Variants in NTNG1 observed in about 807,000 individuals in gnomAD.
NTNG1 encodes the protein netrin-G1.
Under a neutral mutation model 54.0 loss-of-function variants are expected in NTNG1, and 16 were observed. The ratio of observed to expected loss-of-function variants is 0.30; its 90% CI spans 0.20 to 0.45. The LOEUF is 0.45. NTNG1 is among the 20% of genes least tolerant of loss of function. The pLI, the probability that NTNG1 is intolerant of heterozygous loss-of-function variation, is 1.00. For synonymous variants in NTNG1, 255 were observed against 263.1 expected, an observed-to-expected ratio of 0.97 and a Z score of 0.30; for missense variants, 530 against 678.7, an observed-to-expected ratio of 0.78 and a Z score of 2.43.
intron 2 of NTNG1, among the ~76,000 whole-genome samples, chr1:107,196,335 A>G (rs548378465): frequency 6.6e-6 from 1 of 152,156 alleles, no homozygotes; most frequent in African/African-American, 2.4e-5. Context: ...CCATGTATGA[A>G]ATGGGTTATA....
intron 5 of NTNG1, chr1:107,421,253 G>A (rs978252859): frequency 1.4e-6 from 1 of 737,652 alleles, no homozygotes; most frequent in Non-Finnish European, 2.3e-6. Context: ...TTATTGGTGA[G>A]GCATGTTGAC....
chr1:107,408,819 T>A (rs1490805428), intron 5 of NTNG1: 1 of 151,990 alleles, frequency 6.6e-6, no homozygotes, highest in Non-Finnish European at 1.5e-5. Flanking sequence ...GCAGTGTAAA[T>A]AGCCATTGAA....
At chr1:107,319,808 G>A (rs1039839461) in intron 2 of NTNG1, among the ~76,000 whole-genome samples, 9 of 151,498 alleles carry the variant, frequency 5.9e-5, no homozygotes, top group Admixed American at 2.0e-4. Flanking sequence ...AGCTTGGAAA[G>A]GCAAAGTCAA....
chr1:107,254,594 C>G (rs1279259468), intron 2 of NTNG1, among the ~76,000 whole-genome samples: 1 of 152,196 alleles, frequency 6.6e-6, no homozygotes, highest in Admixed American at 6.5e-5. Flanking sequence ...TAAGAGCATG[C>G]ATTATCTACT....
intron 2 of NTNG1, among the ~76,000 whole-genome samples, chr1:107,227,259 A>G (rs760751781): frequency 6.6e-6 from 1 of 152,106 alleles, no homozygotes; most frequent in Non-Finnish European, 1.5e-5. Context: ...AATGTTGGCC[A>G]CTGTTAATAT....
At chr1:107,379,885 G>A (rs1671539349) in intron 3 of NTNG1, among the ~76,000 whole-genome samples, 1 of 152,200 alleles carries the variant, frequency 6.6e-6, no homozygotes, top group Admixed American at 6.5e-5. Context: ...GGATACAAGA[G>A]AAGGAAAGAA....
At chr1:107,466,696 T>G (rs1419831191) in intron 7 of NTNG1, among the ~76,000 whole-genome samples, 1 of 152,178 alleles carries the variant, frequency 6.6e-6, no homozygotes, top group Non-Finnish European at 1.5e-5. Flanking sequence ...TCCCTGTGTT[T>G]TAAATACCAT....
chr1:107,188,312 G>T (rs1168598877), intron 2 of NTNG1, among the ~76,000 whole-genome samples: 2 of 152,118 alleles, frequency 1.3e-5, no homozygotes, highest in African/African-American at 4.8e-5. Flanking sequence ...GGTGATGCTT[G>T]GATGTCTTGT....
intron 2 of NTNG1, among the ~76,000 whole-genome samples, chr1:107,297,065 C>G (rs1053959314): frequency 2.0e-5 from 3 of 147,170 alleles, no homozygotes; most frequent in Non-Finnish European, 4.5e-5. Flanking sequence ...GGTAAGTACT[C>G]TGGTTATCTT....
chr1:107,464,996 G>A (rs1677511721), intron 7 of NTNG1, among the ~76,000 whole-genome samples: 2 of 151,998 alleles, frequency 1.3e-5, no homozygotes, highest in African/African-American at 4.8e-5. Flanking sequence ...CTCCTTCTCT[G>A]TCCTCTTTAT....
chr1:107,254,488 C>CT (rs1276775192), intron 2 of NTNG1, among the ~76,000 whole-genome samples: 1 of 152,216 alleles, frequency 6.6e-6, no homozygotes, highest in Non-Finnish European at 1.5e-5. Context: ...GGCAATGGGG[C>CT]TCAAGAGCTC....
At chr1:107,195,471 C>T (rs1426106162) in intron 2 of NTNG1, among the ~76,000 whole-genome samples, 2 of 152,054 alleles carry the variant, frequency 1.3e-5, no homozygotes, top group African/African-American at 4.8e-5. Flanking sequence ...GTCAGTTACA[C>T]CATTCCTTTG....
intron 3 of NTNG1, among the ~76,000 whole-genome samples, chr1:107,360,276 G>C (rs1377761708): frequency 6.6e-6 from 1 of 152,168 alleles, no homozygotes; most frequent in Non-Finnish European, 1.5e-5. Flanking sequence ...GTAAGGGAAA[G>C]AGAATAAGAA....
intron 2 of NTNG1, among the ~76,000 whole-genome samples, chr1:107,244,695 CCTT>C (rs1327965367): frequency 1.3e-5 from 2 of 152,190 alleles, no homozygotes; most frequent in Non-Finnish European, 2.9e-5. Flanking sequence ...GTGTTCTCTC[CCTT>C]CTTCTCTGTC....
chr1:107,219,429 C>T (rs538295040), intron 2 of NTNG1, among the ~76,000 whole-genome samples: 22 of 152,254 alleles, frequency 1.4e-4, no homozygotes, highest in Admixed American at 1.2e-3. Flanking sequence ...TCAGAGATTT[C>T]GTCGTGATTT....
At chr1:107,435,572 C>A (rs1025697635) in intron 6 of NTNG1, among the ~76,000 whole-genome samples, 1 of 151,980 alleles carries the variant, frequency 6.6e-6, no homozygotes, top group African/African-American at 2.4e-5. Flanking sequence ...AACCCCTAGA[C>A]CCATCTATAA....
chr1:107,280,034 GGTGTGT>G (rs58563513), intron 2 of NTNG1, among the ~76,000 whole-genome samples: 248 of 146,530 alleles, frequency 1.7e-3, no homozygotes, highest in African/African-American at 4.5e-3. Context: ...TTCCTTTGTT[GGTGTGT>G]GTGTGTGTGT....
chr1:107,176,735 C>A (rs1290702687), intron 2 of NTNG1, among the ~76,000 whole-genome samples: 1 of 152,090 alleles, frequency 6.6e-6, no homozygotes, highest in Non-Finnish European at 1.5e-5. Context: ...CCAGGTTGCC[C>A]CCAATACTAC....
At chr1:107,415,283 A>G (rs1468316424) in intron 5 of NTNG1, among the ~76,000 whole-genome samples, 1 of 152,174 alleles carries the variant, frequency 6.6e-6, no homozygotes, top group Admixed American at 6.6e-5. Flanking sequence ...AACAGTCAAA[A>G]GGTCCATAGT....
Sources: allele counts gnomAD v4.1 joint callset (sites outside exome capture counted in the v4.1 genomes callset), GRCh38; gene constraint gnomAD v4.1.1; transcripts MANE v1.5; gene names NCBI Gene and HGNC (gene_info 2026-07-23, HGNC 2026-07-21).